GRAMD1C: variants seen among roughly 807,000 people sequenced by gnomAD.
GRAMD1C encodes GRAM domain containing 1C, also known as protein Aster-C.
In GRAMD1C, 89 loss-of-function variants were observed where a neutral mutation model predicts 97.8. The ratio of observed to expected loss-of-function variants is 0.91; its 90% CI spans 0.77 to 1.09. The LOEUF is 1.09. GRAMD1C is among the 50% of genes least tolerant of loss of function. The pLI, the probability that GRAMD1C is intolerant of heterozygous loss-of-function variation, is 0.00. For missense variants in GRAMD1C, 740 were observed against 766.4 expected, an observed-to-expected ratio of 0.97 and a Z score of 0.41; for synonymous variants, 256 against 267.0, an observed-to-expected ratio of 0.96 and a Z score of 0.40.
intron 6 of GRAMD1C, chr3:113,886,008 C>A (rs1176849486): frequency 1.9e-6 from 3 of 1,574,120 alleles, no homozygotes; most frequent in Non-Finnish European, 2.6e-6. Flanking sequence ...GAGCCGAAAC[C>A]TTCACCAACA....
At chr3:113,834,265 C>T (rs1308174449), upstream of GRAMD1C, among the ~76,000 whole-genome samples, 3 of 152,198 alleles carry the variant, frequency 2.0e-5, no homozygotes, top group East Asian at 3.9e-4. Flanking sequence ...CTGCAACTTC[C>T]GCCTCCTGGG....
At chr3:113,844,381 C>G (rs957514215) in intron 1 of GRAMD1C, 122 bp from the exon 2 acceptor site, 15 of 641,418 alleles carry the variant, frequency 2.3e-5, no homozygotes, top group Non-Finnish European at 3.5e-5. Context: ...TTATTACTGT[C>G]TTCTAAACAT....
At chr3:113,885,531 T>G in intron 6 of GRAMD1C, 3 of 1,606,050 alleles carry the variant, frequency 1.9e-6, no homozygotes, top group Middle Eastern at 1.8e-4. Flanking sequence ...CCCACCATGA[T>G]GGGGTCCTGA....
chr3:113,903,653 A>G (rs1352073999), intron 7 of GRAMD1C, among the ~76,000 whole-genome samples: 1 of 152,064 alleles, frequency 6.6e-6, no homozygotes, highest in Non-Finnish European at 1.5e-5. Flanking sequence ...AAGAGTGAGG[A>G]GGCAGGAGTG....
At chr3:113,844,873 C>T (rs1253169005) in intron 2 of GRAMD1C, 6 of 386,458 alleles carry the variant, frequency 1.6e-5, no homozygotes, top group Non-Finnish European at 1.8e-5. Context: ...CTTCAGTTTC[C>T]TTGTGTGAAA....
chr3:113,853,974 T>G (rs1366612112), intron 2 of GRAMD1C, among the ~76,000 whole-genome samples: 1 of 152,074 alleles, frequency 6.6e-6, no homozygotes, highest in Non-Finnish European at 1.5e-5. Flanking sequence ...ATTGGCTTGC[T>G]TGACAAATAG....
chr3:113,919,946 G>T, intron 10 of GRAMD1C: 2 of 663,540 alleles, frequency 3.0e-6, no homozygotes. Context: ...CCAGTAAAAG[G>T]TGAATCAATT....
intron 2 of GRAMD1C, among the ~76,000 whole-genome samples, chr3:113,860,740 C>G (rs374030813): frequency 3.9e-5 from 6 of 152,106 alleles, no homozygotes; most frequent in South Asian, 2.1e-4. Context: ...CCAAGGTGGG[C>G]AGATCACCTG....
chr3:113,889,631 A>G (rs762982949), intron 6 of GRAMD1C, among the ~76,000 whole-genome samples: 15 of 152,098 alleles, frequency 9.9e-5, no homozygotes, highest in Non-Finnish European at 1.9e-4. Flanking sequence ...TTTCCTGCAG[A>G]TAAGAAAGCC....
chr3:113,901,526 T>C (rs996279429), intron 7 of GRAMD1C, among the ~76,000 whole-genome samples: 3 of 152,192 alleles, frequency 2.0e-5, no homozygotes, highest in African/African-American at 7.2e-5. Context: ...TTCCCTAACA[T>C]AGTGCTTAGC....
chr3:113,942,718 C>G (rs537876144), intron 17 of GRAMD1C, among the ~76,000 whole-genome samples: 1 of 152,330 alleles, frequency 6.6e-6, no homozygotes, highest in South Asian at 2.1e-4. Context: ...TCAAGCCAGG[C>G]AGCCAGAGAC....
intron 10 of GRAMD1C, among the ~76,000 whole-genome samples, chr3:113,917,507 G>C (rs1020500620): frequency 2.7e-5 from 4 of 150,670 alleles, no homozygotes; most frequent in African/African-American, 9.8e-5. Flanking sequence ...TATTTTTTTA[G>C]TAGAGGGGTT....
chr3:113,934,988 C>T (rs1026310754), intron 13 of GRAMD1C, among the ~76,000 whole-genome samples: 6 of 152,116 alleles, frequency 3.9e-5, no homozygotes, highest in Non-Finnish European at 7.4e-5. Context: ...ATGATCCACC[C>T]GCCCAGCCTC....
intron 6 of GRAMD1C, among the ~76,000 whole-genome samples, chr3:113,892,869 G>A (rs1011630610): frequency 1.3e-5 from 2 of 151,924 alleles, no homozygotes; most frequent in East Asian, 1.9e-4. Context: ...GCCCCCATCC[G>A]TGTTCTATAC....
At chr3:113,889,683 C>T (rs1935641873) in intron 6 of GRAMD1C, among the ~76,000 whole-genome samples, 1 of 151,770 alleles carries the variant, frequency 6.6e-6, no homozygotes, top group African/African-American at 2.4e-5. Context: ...TCTTGTTGCC[C>T]AGGCTAGAGT....
chr3:113,913,196 T>G, intron 9 of GRAMD1C: 1 of 681,858 alleles, frequency 1.5e-6, no homozygotes, highest in Non-Finnish European at 2.3e-6. Flanking sequence ...TTGTTTTCTC[T>G]TTCTCACCTG....
chr3:113,892,254 C>CTGAG (rs1194983347), intron 6 of GRAMD1C, among the ~76,000 whole-genome samples: 7 of 151,974 alleles, frequency 4.6e-5, no homozygotes, highest in African/African-American at 1.7e-4. Context: ...GGCTGACCAC[C>CTGAG]TGAGGTTAGG....
In GRAMD1C at chr3:113,838,872, G is replaced by GCGGTC. The variant is rs1231165771; in HGVS notation, c.-36_-35insGTCCG. On this transcript the variant is annotated 5_prime_UTR_variant, in exon 1 of 18. Coordinates refer to ENST00000358160, the MANE Select transcript of GRAMD1C (RefSeq NM_017577.5). ...TGGGCGCGGGGCGGTGCGGTGCGGTGCGCGCGGGGCGGTGCCGCGGCGGCG... is the reference window on the plus strand; with the variant it reads ...TGGGCGCGGGGCGGTGCGGTGCGGTGCGGTCCGCGCGGGGCGGTGCCGCGGCGGCG... 1.1e-5 allele frequency: 13 copies of GCGGTC among 1,227,026 alleles called. No homozygotes were observed. Among genetic ancestry groups the GCGGTC allele is most frequent in the Non-Finnish European group, 1.3e-5 (13 of 983,018 alleles). The allele number at this position is 1,227,026 out of a possible 1,614,324, so 76.0% of individuals were successfully genotyped here.
Position 113,887,079 on chromosome 3 carries a change from C to CT in GRAMD1C, c.540+4252dup, listed in dbSNP as rs1559795559. ...ACAGGCATGAGCCACTGCGCCTGGC[C>CT]TTTTTGTTTTTTTTTTGTTTTTTTT... is the stretch of plus-strand genomic sequence containing the variant. On this transcript the variant is annotated intron_variant, in intron 6 of 17. Transcript: ENST00000358160. Among the ~76,000 whole-genome samples, 53 of 97,518 alleles carry CT rather than the reference C, an allele frequency of 5.4e-4. 1 individual carries two copies. The highest frequency in any genetic ancestry group is 0.011 in the Middle Eastern group (1 of 88). The allele number at this position is 97,518 out of a possible 152,430, so 64.0% of individuals were successfully genotyped here.
Sources: gnomAD v4.1 joint callset for allele counts (sites outside exome capture counted in the v4.1 genomes callset) on GRCh38, gnomAD v4.1.1 for gene constraint, MANE v1.5 for transcripts, NCBI Gene and HGNC (gene_info 2026-07-23, HGNC 2026-07-21) for gene names.